Variants in PCDHGA2 observed in about 807,000 individuals in gnomAD.
PCDHGA2 encodes protocadherin gamma subfamily A, 2.
Under a neutral mutation model 59.2 loss-of-function variants are expected in PCDHGA2, and 40 were observed. The ratio of observed to expected loss-of-function variants is 0.68; its 90% confidence interval spans 0.52 to 0.88. The LOEUF (loss-of-function observed/expected upper bound fraction) is 0.88. PCDHGA2 is among the 40% of genes least tolerant of loss of function. The pLI is 0.00. For missense variants in PCDHGA2, 1,226 were observed against 1,204.0 expected, an observed-to-expected ratio of 1.02 and a Z score of -0.27; for synonymous variants, 560 against 526.0, an observed-to-expected ratio of 1.06 and a Z score of -0.89.
intron 1 of PCDHGA2, among the ~76,000 whole-genome samples, chr5:141,452,664 T>C (rs557662640): frequency 6.6e-6 from 1 of 151,058 alleles, no homozygotes; most frequent in South Asian, 2.1e-4. Context: ...TCCACTGCAC[T>C]CCAGCCTAGG....
chr5:141,360,162 G>A, intron 1 of PCDHGA2: 2 of 1,607,024 alleles, frequency 1.2e-6, no homozygotes, highest in Non-Finnish European at 1.7e-6. Context: ...GGAGGTGCGG[G>A]CTGGTGCGGT....
chr5:141,459,510 T>G (rs1449866159), intron 1 of PCDHGA2, among the ~76,000 whole-genome samples: 1 of 152,252 alleles, frequency 6.6e-6, no homozygotes, highest in Non-Finnish European at 1.5e-5. Context: ...TGAACAATCA[T>G]GTACAAGTAT....
Position 141,432,248 on chromosome 5 carries a change from C to T in PCDHGA2, c.2425-62559C>T. Reference sequence around the variant, plus strand: ...TTATTCCCTGGCTGAGAACACCATCCAAGGGGCAAGCCTATCGTCCTACGT... The same window carrying T: ...TTATTCCCTGGCTGAGAACACCATCTAAGGGGCAAGCCTATCGTCCTACGT... On this transcript the variant is annotated intron_variant, in intron 1 of 3. Transcript: ENST00000394576. This position sits in a 1 kb window ranked among gnomAD's most constrained non-coding sequence, Gnocchi z 6.0. 1.2e-6 allele frequency: 2 copies of T among 1,614,244 alleles called. No individual in the cohort carries two copies. Among genetic ancestry groups the T allele is most frequent in the South Asian group, 1.1e-5 (1 of 91,090 alleles).
intron 1 of PCDHGA2, chr5:141,419,377 C>A (rs2096371335): frequency 6.2e-7 from 1 of 1,613,572 alleles, no homozygotes; most frequent in African/African-American, 1.3e-5. Flanking sequence ...CCTACGTGTC[C>A]GTGAGCGCGC....
Position 141,383,564 on chromosome 5 carries a change from G to A in PCDHGA2, c.2424+42169G>A, listed in dbSNP as rs767546411. On this transcript the variant is annotated intron_variant, in intron 1 of 3. Coordinates refer to ENST00000394576, the MANE Select transcript of PCDHGA2 (RefSeq NM_018915.4). ...GCCTCTGATGGCGGCGACCCGCCCC[G>A]ATCCAGCACCGCCCACATCCAGGTG... 6.2e-6 allele frequency: 10 copies of A among 1,612,926 alleles called. No homozygotes were observed. In the East Asian group the frequency reaches 6.7e-5, roughly 11 times the overall value.
intron 1 of PCDHGA2, chr5:141,366,272 G>T (rs749693337): frequency 1.9e-6 from 3 of 1,613,726 alleles, no homozygotes; most frequent in South Asian, 1.1e-5. Context: ...GGCCGTCGAA[G>T]ACCATGGCCA....
Position 141,432,206 on chromosome 5 carries a change from G to T in PCDHGA2, c.2425-62601G>T, listed in dbSNP as rs551220443. ...GACCGCCCACGACCCCGACTGTGAA[G>T]AGAACGCCCAGATCACTTATTCCCT... On this transcript the variant is annotated intron_variant, in intron 1 of 3. Coordinates refer to ENST00000394576, the MANE Select transcript of PCDHGA2 (RefSeq NM_018915.4). The surrounding 1 kb of genome is among the most constrained non-coding windows in gnomAD (Gnocchi z 6.0). 12 of 1,614,214 alleles carry T rather than the reference G, an allele frequency of 7.4e-6. No individual in the cohort carries two copies. The Admixed American group carries it at 8.3e-5, about 11-fold the overall frequency.
chr5:141,382,992 T>G, intron 1 of PCDHGA2: 2 of 1,613,578 alleles, frequency 1.2e-6, no homozygotes, highest in Non-Finnish European at 1.7e-6. Context: ...CAGGACGTAT[T>G]CTCTACTCCG....
chr5:141,401,815 C>G (rs1217081146), intron 1 of PCDHGA2, among the ~76,000 whole-genome samples: 1 of 152,184 alleles, frequency 6.6e-6, no homozygotes, highest in Non-Finnish European at 1.5e-5. Flanking sequence ...GGGTTCCTTA[C>G]AAAGTGCTGA....
Position 141,490,109 on chromosome 5 carries a change from G to A in PCDHGA2, c.2425-4698G>A, listed in dbSNP as rs775286436. The A allele has an allele frequency of 3.4e-5, 55 of 1,614,114 alleles. No homozygotes were observed. Among genetic ancestry groups the A allele is most frequent in the African/African-American group, 8.0e-5 (6 of 74,940 alleles). ...GGAGACCACACATCTGAGGCAGTGC[G>A]GAACCTCTTTGGCCTAGACCCTAGC... On this transcript the variant is annotated intron_variant, in intron 1 of 3. Coordinates refer to ENST00000394576, the MANE Select transcript of PCDHGA2 (RefSeq NM_018915.4). This position sits in a 1 kb window ranked among gnomAD's most constrained non-coding sequence, Gnocchi z 5.4.
intron 1 of PCDHGA2, chr5:141,423,880 G>T: frequency 7.8e-7 from 1 of 1,282,292 alleles, no homozygotes; most frequent in Non-Finnish European, 9.9e-7. Flanking sequence ...TTTCAATCTT[G>T]GCATATTTTC....
intron 1 of PCDHGA2, among the ~76,000 whole-genome samples, chr5:141,406,775 CACTT>C (rs2094850405): frequency 6.6e-6 from 1 of 152,200 alleles, no homozygotes; most frequent in Non-Finnish European, 1.5e-5. Context: ...ATATTTCTCT[CACTT>C]ATATATTATT....
At chr5:141,370,968 C>A (rs528172004) in intron 1 of PCDHGA2, 3 of 1,613,848 alleles carry the variant, frequency 1.9e-6, no homozygotes, top group East Asian at 2.2e-5. Flanking sequence ...CAGTAGGTAC[C>A]CAGAGCTAGT....
intron 1 of PCDHGA2, among the ~76,000 whole-genome samples, chr5:141,439,599 G>A (rs1319524199): frequency 6.6e-6 from 1 of 152,146 alleles, no homozygotes; most frequent in Non-Finnish European, 1.5e-5. Flanking sequence ...TGGCCAGTCT[G>A]GAAACAGAGA....
chr5:141,478,142 G>T (rs774271595), intron 1 of PCDHGA2: 8 of 1,613,988 alleles, frequency 5.0e-6, no homozygotes, highest in Non-Finnish European at 6.8e-6. Flanking sequence ...AGCCCGAGCC[G>T]AGTTCCCCTC....
chr5:141,360,844 G>A (rs1164038678), intron 1 of PCDHGA2: 1 of 1,613,980 alleles, frequency 6.2e-7, no homozygotes, highest in South Asian at 1.1e-5. Context: ...GGATGCCAAC[G>A]ATAACCCTCC....
chr5:141,385,626 G>T, intron 1 of PCDHGA2: 1 of 1,001,778 alleles, frequency 1.0e-6, no homozygotes, highest in Non-Finnish European at 1.3e-6. Flanking sequence ...ACATTGGAAT[G>T]AATCGAGTCT....
rs537619617 is a variant in PCDHGA2 at position 141,483,429 on chromosome 5, C to G, written c.2425-11378C>G. On this transcript the variant is annotated intron_variant, in intron 1 of 3. Coordinates refer to ENST00000394576, the MANE Select transcript of PCDHGA2 (RefSeq NM_018915.4). ...ACAGTGGCAGTACAGATGGAGGGAGCTGACTACAATAAAATCATCAGGACT... is the reference window on the plus strand; with the variant it reads ...ACAGTGGCAGTACAGATGGAGGGAGGTGACTACAATAAAATCATCAGGACT... Among the ~76,000 whole-genome samples the G allele has an allele frequency of 5.3e-5, 8 of 152,158 alleles. No individual in the cohort carries two copies. In the East Asian group the frequency reaches 1.5e-3, roughly 29 times the overall value.
chr5:141,472,068 G>C (rs1050927364), intron 1 of PCDHGA2, among the ~76,000 whole-genome samples: 7 of 151,974 alleles, frequency 4.6e-5, no homozygotes, highest in Non-Finnish European at 8.8e-5. Context: ...CATGTCTGTG[G>C]TTATATCAAT....
Sources: gnomAD v4.1 joint callset for allele counts (sites outside exome capture counted in the v4.1 genomes callset) on GRCh38, gnomAD v4.1.1 for gene constraint, Gnocchi (gnomAD v3.1) non-coding constraint, MANE v1.5 for transcripts, NCBI Gene and HGNC (gene_info 2026-07-23, HGNC 2026-07-21) for gene names.